The following PCNX2 variants were observed in gnomAD, a reference collection of about 807,000 sequenced individuals.
PCNX2 encodes pecanex-like protein 2.
A neutral mutation model predicts 223.8 loss-of-function variants in PCNX2; 168 were observed. The ratio of observed to expected loss-of-function variants is 0.75; its 90% CI spans 0.66 to 0.85. The LOEUF is 0.85. PCNX2 is among the 40% of genes least tolerant of loss of function. The pLI is 0.00. For synonymous variants in PCNX2, 1,006 were observed against 1,052.6 expected (o/e 0.96, Z 0.86); for missense variants, 2,507 against 2,675.5 (o/e 0.94, Z 1.39).
At chr1:233,036,859 T>A (rs6667270) in intron 25 of PCNX2, among the ~76,000 whole-genome samples, 4 of 152,156 alleles carry the variant, frequency 2.6e-5, no homozygotes, top group African/African-American at 7.2e-5. Flanking sequence ...CAAAGGAATT[T>A]AAGGGACAAT....
intron 17 of PCNX2, among the ~76,000 whole-genome samples, chr1:233,167,442 T>C (rs1371332483): frequency 6.6e-6 from 1 of 151,888 alleles, no homozygotes; most frequent in Admixed American, 6.6e-5. Context: ...GTGTTAGAAA[T>C]TATAAAGTAG....
Position 233,036,629 on chromosome 1 carries a change from C to CA in PCNX2, c.4352-11231dup, listed in dbSNP as rs34006978. Among the ~76,000 whole-genome samples, 928 of 132,442 alleles carry CA rather than the reference C, an allele frequency of 7.0e-3. 3 individuals carry two copies. The highest frequency in any genetic ancestry group is 0.013 in the African/African-American group (477 of 37,546). The allele number at this position is 132,442 out of a possible 152,430, so 86.9% of individuals were successfully genotyped here. On this transcript the variant is annotated intron_variant, in intron 25 of 33. Transcript: ENST00000258229. Reference sequence around the variant, plus strand: ...TGGGCAACAGAGCAAGACTCCATCTCAAAAAAAAAAAAAAATTATATTTCA... The same window carrying CA: ...TGGGCAACAGAGCAAGACTCCATCTCAAAAAAAAAAAAAAAATTATATTTCA...
chr1:233,102,354 T>A (rs920724951), intron 21 of PCNX2, among the ~76,000 whole-genome samples: 2 of 152,214 alleles, frequency 1.3e-5, no homozygotes, highest in African/African-American at 2.4e-5. Context: ...GGCACAGATA[T>A]CTTTTTAATA....
intron 28 of PCNX2, among the ~76,000 whole-genome samples, chr1:233,004,631 T>C (rs1670214915): frequency 2.0e-5 from 3 of 151,874 alleles, no homozygotes; most frequent in Admixed American, 1.3e-4. Flanking sequence ...GTGAAGGGAG[T>C]CTCTGAGGAC....
At position 233,226,411 on chromosome 1, in the gene PCNX2, A is replaced by C. The variant is rs1657722899; in HGVS notation, c.2504+815T>G. On this transcript the variant is annotated intron_variant, in intron 10 of 33. Transcript: ENST00000258229. ...CAGCCTCCTGAGTAGCTGGAACTAC[A>C]GGCATGCACCACCACACCCGGCTAA... Among the ~76,000 whole-genome samples the C allele has an allele frequency of 2.6e-5, 4 of 152,154 alleles. No individual in the cohort carries two copies. In the South Asian group the frequency reaches 8.3e-4, roughly 32 times the overall value.
Position 233,252,901 on chromosome 1 carries a change from C to T in PCNX2, c.1835-113G>A, listed in dbSNP as rs1406003157. ...AATAGAAAGAAAATCTAAGCAGCTCCTCTGCATGCAAAAGGCTTTTAAATA... is the reference window on the plus strand; with the variant it reads ...AATAGAAAGAAAATCTAAGCAGCTCTTCTGCATGCAAAAGGCTTTTAAATA... On this transcript the variant is annotated intron_variant, in intron 5 of 33. Coordinates refer to ENST00000258229, the MANE Select transcript of PCNX2 (RefSeq NM_014801.4). The T allele has an allele frequency of 2.7e-6, 3 of 1,091,400 alleles. No homozygotes were observed. In the South Asian group the frequency reaches 5.5e-5, roughly 20 times the overall value. 67.6% of individuals were successfully genotyped at this position (1,091,400 alleles called of 1,614,324 possible).
intron 22 of PCNX2, among the ~76,000 whole-genome samples, chr1:233,091,576 A>T (rs1673872095): frequency 6.6e-6 from 1 of 151,984 alleles, no homozygotes; most frequent in Admixed American, 6.5e-5. Flanking sequence ...AAATCAGATT[A>T]AAAAAACGTA....
chr1:233,143,454 T>C (rs772604759), intron 19 of PCNX2, among the ~76,000 whole-genome samples: 2 of 152,216 alleles, frequency 1.3e-5, no homozygotes, highest in African/African-American at 2.4e-5. Flanking sequence ...CAGGGAATAC[T>C]TTCAGGAACA....
chr1:233,249,736 T>A (rs1201865725), intron 8 of PCNX2, among the ~76,000 whole-genome samples: 1 of 152,166 alleles, frequency 6.6e-6, no homozygotes, highest in African/African-American at 2.4e-5. Context: ...GAGAGAGCCA[T>A]CACCTACGGT....
intron 17 of PCNX2, among the ~76,000 whole-genome samples, chr1:233,170,073 A>G (rs1235497253): frequency 6.6e-6 from 1 of 152,208 alleles, no homozygotes; most frequent in East Asian, 1.9e-4. Flanking sequence ...TTGCTGTAGA[A>G]TACTCATTTG....
chr1:232,998,354 G>A lies in PCNX2; in HGVS notation c.5688C>T (p.Gly1896=). 1 of 1,613,162 alleles carries A rather than the reference G, an allele frequency of 6.2e-7. No homozygotes were observed. Reference sequence around the variant, plus strand: ...GGCTGCCACCACTCGGGGCATTGTTGCCACCTGTCGTCGGGGCCCCTCCTC... The same window carrying A: ...GGCTGCCACCACTCGGGGCATTGTTACCACCTGTCGTCGGGGCCCCTCCTC... ...VDGGGAPTTG[G]NNAPSGGSQE... is the part of the protein sequence containing the mutation. The change falls in exon 32 of 34, where the codon GGC becomes GGT. Residue 1896 remains glycine (G), a synonymous_variant. Coordinates refer to ENST00000258229, the MANE Select transcript of PCNX2 (RefSeq NM_014801.4).
chr1:233,149,730 G>T (rs1029482528), intron 19 of PCNX2, among the ~76,000 whole-genome samples: 1 of 152,088 alleles, frequency 6.6e-6, no homozygotes, highest in African/African-American at 2.4e-5. Context: ...CAGGGTAAAG[G>T]AAGTCACATC....
intron 15 of PCNX2, 133 bp from the exon 16 acceptor site, chr1:233,179,308 G>A (rs956675162): frequency 1.1e-6 from 1 of 914,502 alleles, no homozygotes; most frequent in Admixed American, 2.3e-5. Context: ...CCTGCCCACG[G>A]ACATATAAGC....
At chr1:233,106,448 G>A (rs529069450) in intron 21 of PCNX2, among the ~76,000 whole-genome samples, 9 of 146,998 alleles carry the variant, frequency 6.1e-5, no homozygotes, top group Non-Finnish European at 1.0e-4. Flanking sequence ...TGCCTCCCAC[G>A]TTCAAGCGAT....
chr1:233,071,717 T>C (rs1672863954), intron 23 of PCNX2, among the ~76,000 whole-genome samples: 1 of 152,182 alleles, frequency 6.6e-6, no homozygotes, highest in Non-Finnish European at 1.5e-5. Flanking sequence ...TTTGAAGAAT[T>C]GCCACACTGA....
chr1:233,025,040 G>A, intron 26 of PCNX2, 106 bp downstream of exon 26: 13 of 1,447,136 alleles, frequency 9.0e-6, no homozygotes, highest in Non-Finnish European at 1.2e-5. Flanking sequence ...CAATTCGGAA[G>A]CTGAGGATGA....
Position 233,272,787 on chromosome 1 carries a change from T to C in PCNX2, c.154-9624A>G, listed in dbSNP as rs368087641. Among the ~76,000 whole-genome samples, 99 of 152,322 alleles carry C rather than the reference T, an allele frequency of 6.5e-4. 3 individuals are homozygous for C. The East Asian group carries it at 0.011, about 17-fold the overall frequency. ...GAGTGGATAAAGAAATTGTGGTGTATATATTTACCATGGAATACTATTCAG... is the reference window on the plus strand; with the variant it reads ...GAGTGGATAAAGAAATTGTGGTGTACATATTTACCATGGAATACTATTCAG... On this transcript the variant is annotated intron_variant, in intron 1 of 33. Transcript: ENST00000258229.
intron 33 of PCNX2, chr1:232,985,615 C>CT (rs1197023464): frequency 1.7e-5 from 5 of 285,740 alleles, no homozygotes; most frequent in Non-Finnish European, 6.5e-6. Context: ...CTCTCCTTGT[C>CT]TAGTATTTAA....
At chr1:233,068,718 A>G (rs1423464640) in intron 23 of PCNX2, among the ~76,000 whole-genome samples, 1 of 152,070 alleles carries the variant, frequency 6.6e-6, no homozygotes, top group Non-Finnish European at 1.5e-5. Flanking sequence ...TCAAAAATAT[A>G]TTATTTATTT....
Sources: allele counts gnomAD v4.1 joint callset (sites outside exome capture counted in the v4.1 genomes callset), GRCh38; gene constraint gnomAD v4.1.1; transcripts MANE v1.5; gene names NCBI Gene and HGNC (gene_info 2026-07-23, HGNC 2026-07-21).